The following CA10 variants were observed in gnomAD, a reference collection of about 807,000 sequenced individuals.
The protein encoded by CA10 is carbonic anhydrase-related protein 10.
CA10 carries 14 observed loss-of-function variants against 44.2 expected under a neutral mutation model. The ratio of observed to expected loss-of-function variants is 0.32; its 90% CI spans 0.21 to 0.50. The LOEUF (loss-of-function observed/expected upper bound fraction) is 0.50. Among genes scored for constraint, CA10 ranks in the 20% least tolerant of loss-of-function variants. The pLI, the probability that CA10 is intolerant of heterozygous loss-of-function variation, is 0.99. For synonymous variants in CA10, 159 were observed against 141.6 expected (o/e 1.12, Z -0.87); for missense variants, 350 against 409.7 (o/e 0.85, Z 1.26).
chr17:51,670,365 G>A (rs1228281285), intron 4 of CA10, among the ~76,000 whole-genome samples: 1 of 152,160 alleles, frequency 6.6e-6, no homozygotes, highest in African/African-American at 2.4e-5. Flanking sequence ...AAGTGGGGGA[G>A]GTGAAATAAC....
intron 3 of CA10, among the ~76,000 whole-genome samples, chr17:51,854,187 C>T (rs766928756): frequency 3.9e-5 from 6 of 152,142 alleles, no homozygotes; most frequent in Admixed American, 6.5e-5. Context: ...ACCTTCCTCA[C>T]GAGATTACTC....
intron 3 of CA10, among the ~76,000 whole-genome samples, chr17:51,806,104 G>A (rs1330205508): frequency 6.6e-6 from 1 of 152,222 alleles, no homozygotes; most frequent in Non-Finnish European, 1.5e-5. Context: ...GAGCTTTGTG[G>A]TATGGTGAGG....
At chr17:51,766,072 C>T (rs563249764) in intron 3 of CA10, among the ~76,000 whole-genome samples, 1 of 152,122 alleles carries the variant, frequency 6.6e-6, no homozygotes, top group Non-Finnish European at 1.5e-5. Flanking sequence ...GTGCTGTAAA[C>T]TCATCCTAAT....
At chr17:51,891,776 C>A (rs1357569452) in intron 3 of CA10, among the ~76,000 whole-genome samples, 2 of 152,130 alleles carry the variant, frequency 1.3e-5, no homozygotes, top group African/African-American at 4.8e-5. Context: ...GCACAGGTAG[C>A]TTTCACTCTC....
At chr17:51,897,428 C>CT (rs1981119593) in intron 3 of CA10, among the ~76,000 whole-genome samples, 1 of 151,914 alleles carries the variant, frequency 6.6e-6, no homozygotes, top group Non-Finnish European at 1.5e-5. Flanking sequence ...TTCTGTGTGC[C>CT]TGTTTTTGTA....
intron 4 of CA10, among the ~76,000 whole-genome samples, chr17:51,678,714 T>C (rs1318738843): frequency 1.3e-5 from 2 of 152,170 alleles, no homozygotes; most frequent in Admixed American, 6.5e-5. Context: ...AAGAGAAAAA[T>C]GTGAAGGAGA....
At chr17:52,023,631 C>G (rs1207633175) in intron 2 of CA10, among the ~76,000 whole-genome samples, 1 of 151,458 alleles carries the variant, frequency 6.6e-6, no homozygotes. Context: ...GGATGTGATT[C>G]AACTAATGAG....
intron 1 of CA10, among the ~76,000 whole-genome samples, chr17:52,098,623 C>T (rs1598213623): frequency 6.6e-6 from 1 of 152,112 alleles, no homozygotes; most frequent in Non-Finnish European, 1.5e-5. Context: ...ACTTCATCTT[C>T]TATTTATGGA....
At chr17:51,654,029 G>T (rs948808491) in intron 4 of CA10, among the ~76,000 whole-genome samples, 1 of 152,212 alleles carries the variant, frequency 6.6e-6, no homozygotes, top group Non-Finnish European at 1.5e-5. Context: ...TTCCCCTAAA[G>T]CGTGTGTAAA....
chr17:51,915,978 A>C (rs927326311), intron 3 of CA10, among the ~76,000 whole-genome samples: 3 of 152,110 alleles, frequency 2.0e-5, no homozygotes, highest in Non-Finnish European at 4.4e-5. Flanking sequence ...AAAAAAAAAA[A>C]ACCTTACCTT....
chr17:51,854,496 T>G (rs1262568823), intron 3 of CA10, among the ~76,000 whole-genome samples: 2 of 152,102 alleles, frequency 1.3e-5, no homozygotes, highest in Non-Finnish European at 2.9e-5. Context: ...CAGGGACTAG[T>G]TTTGTGGGTA....
Position 51,830,138 on chromosome 17 carries a change from A to T in CA10, c.280-82320T>A, listed in dbSNP as rs566963455. On this transcript the variant is annotated intron_variant, in intron 3 of 8. Transcript: ENST00000451037. ...CTTGAACCCGGGAGGCAGAGGTTGC[A>T]GTGAGCTGAGATTGCGCCACTGTAC... Among the ~76,000 whole-genome samples, 134 of 145,542 alleles carry T rather than the reference A, an allele frequency of 9.2e-4. 1 individual carries two copies. The highest frequency in any genetic ancestry group is 3.1e-3 in the African/African-American group (121 of 38,560).
intron 2 of CA10, among the ~76,000 whole-genome samples, chr17:52,065,666 C>T (rs969362009): frequency 3.3e-5 from 5 of 152,130 alleles, no homozygotes; most frequent in African/African-American, 7.2e-5. Context: ...TAGTTCCTTT[C>T]AGGTAAAATC....
chr17:51,992,314 C>G (rs1016871447), intron 2 of CA10, among the ~76,000 whole-genome samples: 5 of 152,092 alleles, frequency 3.3e-5, no homozygotes, highest in African/African-American at 9.7e-5. Flanking sequence ...CTCTGTCATC[C>G]TCATCATCAC....
chr17:51,725,798 C>T (rs962461589), intron 4 of CA10, among the ~76,000 whole-genome samples: 9 of 152,172 alleles, frequency 5.9e-5, no homozygotes, highest in Non-Finnish European at 1.3e-4. Flanking sequence ...GCTCTTTATA[C>T]ATATATGTGT....
At chr17:51,996,359 G>T (rs779979706) in intron 2 of CA10, among the ~76,000 whole-genome samples, 3 of 151,856 alleles carry the variant, frequency 2.0e-5, no homozygotes, top group African/African-American at 4.8e-5. Flanking sequence ...AATGAACTAG[G>T]TCCTCCACAT....
At chr17:51,993,818 CTCCT>C (rs142046654) in intron 2 of CA10, among the ~76,000 whole-genome samples, 1,645 of 152,130 alleles carry the variant, frequency 0.011, 24 homozygotes, top group African/African-American at 0.038. Context: ...TTCTACCTCC[CTCCT>C]TCCTTTGTTC....
At chr17:52,018,370 A>T (rs1381522333) in intron 2 of CA10, among the ~76,000 whole-genome samples, 1 of 152,156 alleles carries the variant, frequency 6.6e-6, no homozygotes, top group Non-Finnish European at 1.5e-5. Flanking sequence ...CTGCAAAGCC[A>T]TAGGGACAGG....
chr17:51,672,759 T>C (rs187765039), intron 4 of CA10, among the ~76,000 whole-genome samples: 36 of 152,324 alleles, frequency 2.4e-4, no homozygotes, highest in Non-Finnish European at 4.6e-4. Context: ...CATTTCTTGA[T>C]TCCCATGCCA....
Sources: gnomAD v4.1 joint callset for allele counts (sites outside exome capture counted in the v4.1 genomes callset) on GRCh38, gnomAD v4.1.1 for gene constraint, MANE v1.5 for transcripts, NCBI Gene and HGNC (gene_info 2026-07-23, HGNC 2026-07-21) for gene names.